HECW1: variants seen among roughly 807,000 people sequenced by gnomAD.
The protein encoded by HECW1 is HECT, C2 and WW domain containing E3 ubiquitin protein ligase 1, also known as E3 ubiquitin-protein ligase HECW1.
HECW1 carries 61 observed loss-of-function variants against 182.3 expected under a neutral mutation model. The ratio of observed to expected loss-of-function variants is 0.33; its 90% CI spans 0.27 to 0.41. HECW1 has a LOEUF of 0.41. Among genes scored for constraint, HECW1 ranks in the 10% least tolerant of loss-of-function variants. The pLI, the probability that HECW1 is intolerant of heterozygous loss-of-function variation, is 1.00. For missense variants in HECW1, 1,739 were observed against 2,108.9 expected (o/e 0.82, Z 3.44); for synonymous variants, 859 against 832.6 (o/e 1.03, Z -0.55).
chr7:43,343,318 G>C (rs1057388826), intron 5 of HECW1, among the ~76,000 whole-genome samples: 1 of 149,974 alleles, frequency 6.7e-6, no homozygotes, highest in Non-Finnish European at 1.5e-5. Flanking sequence ...TGTGCACAAC[G>C]TGCAGGTTTG....
rs1271854634 is a variant in HECW1, at chr7:43,438,024, C to T, written c.823C>T (p.Pro275Ser). The T allele has an allele frequency of 6.2e-7, 1 of 1,613,934 alleles. No homozygotes were observed. Among genetic ancestry groups the T allele is most frequent in the African/African-American group, 1.3e-5 (1 of 74,922 alleles). The change falls in exon 9 of 30, where the codon CCC (proline) becomes TCC (serine). Residue 275 changes from proline to serine, a missense_variant. Physicochemically the swap from Pro to Ser is moderately conservative, Grantham distance 74. Transcript: ENST00000395891. ...QAEQFSFVSLPTDVLEIEVKD... is the reference protein window; with the variant it reads ...QAEQFSFVSLSTDVLEIEVKD... ...GCAGCAATTCAGTTTTGTGTCCTTG[C>T]CCACTGACGTGCTGGAAATTGAGGT...
intron 1 of HECW1, among the ~76,000 whole-genome samples, chr7:43,113,309 C>T (rs1480473667): frequency 6.6e-6 from 1 of 152,114 alleles, no homozygotes; most frequent in African/African-American, 2.4e-5. Context: ...CTACGTAATC[C>T]CCCTTCCCAG....
At chr7:43,314,257 C>T (rs1224242712) in intron 4 of HECW1, among the ~76,000 whole-genome samples, 3 of 152,190 alleles carry the variant, frequency 2.0e-5, no homozygotes, top group Non-Finnish European at 4.4e-5. Context: ...GAGTGTGGAA[C>T]ACCTGAGGGA....
chr7:43,396,874 A>C lies in HECW1; in HGVS notation c.616A>C (p.Ser206Arg). The change falls in exon 7 of 30, where the codon AGC (serine) becomes CGC (arginine). Residue 206 changes from serine (S) to arginine (R), a missense_variant. By Grantham distance (110) the Ser-to-Arg change is moderately radical. Coordinates refer to ENST00000395891, the MANE Select transcript of HECW1 (RefSeq NM_015052.5). Reference protein sequence around the residue: ...VQGQGSRRLISFSLSDFQAMG... With the variant: ...VQGQGSRRLIRFSLSDFQAMG... Reference sequence around the variant, plus strand: ...AGGACAAGGAAGTCGGAGGCTGATCAGCTTCTCTCTCTCAGGTATGTTTTG... The same window carrying C: ...AGGACAAGGAAGTCGGAGGCTGATCCGCTTCTCTCTCTCAGGTATGTTTTG... The C allele has an allele frequency of 6.2e-7, 1 of 1,612,566 alleles. No homozygotes were observed. The highest frequency in any genetic ancestry group is 8.5e-7 in the Non-Finnish European group (1 of 1,179,268).
At chr7:43,519,533 C>T (rs771149353) in intron 24 of HECW1, among the ~76,000 whole-genome samples, 18 of 152,170 alleles carry the variant, frequency 1.2e-4, no homozygotes, top group South Asian at 2.1e-4. Context: ...CGTGAGCCAC[C>T]GCGCCTGGCC....
chr7:43,378,225 GA>G (rs1311405130), intron 6 of HECW1, among the ~76,000 whole-genome samples: 4 of 152,112 alleles, frequency 2.6e-5, no homozygotes, highest in Non-Finnish European at 5.9e-5. Context: ...TTCATTTCTA[GA>G]AATTTCTAAG....
intron 6 of HECW1, among the ~76,000 whole-genome samples, chr7:43,374,243 T>C (rs759044465): frequency 3.3e-5 from 5 of 152,208 alleles, no homozygotes; most frequent in African/African-American, 4.8e-5. Flanking sequence ...ATAAATTCAA[T>C]GTAAAGAAAT....
Position 43,244,051 on chromosome 7 carries a change from T to C in HECW1, c.27+119T>C, listed in dbSNP as rs56757698. 2,254 of 817,736 alleles carry C rather than the reference T, an allele frequency of 2.8e-3. 30 individuals carry two copies. The African/African-American group carries it at 0.032, about 12-fold the overall frequency. 50.7% of individuals were successfully genotyped at this position (817,736 alleles called of 1,614,324 possible). On this transcript the variant is annotated intron_variant, in intron 3 of 29. Transcript: ENST00000395891. ...TTGCGGTTGCCCAGCCCAGGAATTA[T>C]CTCAAGTGTGGCTGGACATTTGAGA...
chr7:43,293,552 C>G (rs1805675330), intron 3 of HECW1, among the ~76,000 whole-genome samples: 1 of 152,116 alleles, frequency 6.6e-6, no homozygotes, highest in South Asian at 2.1e-4. Flanking sequence ...CATGAAACAA[C>G]CTTAGGTTCC....
At chr7:43,502,162 G>T (rs1390506849) in intron 21 of HECW1, among the ~76,000 whole-genome samples, 1 of 152,156 alleles carries the variant, frequency 6.6e-6, no homozygotes, top group Non-Finnish European at 1.5e-5. Context: ...ACTCTGAATC[G>T]ATTGCACACC....
intron 3 of HECW1, among the ~76,000 whole-genome samples, chr7:43,263,777 AAGAAAG>A (rs1452281378): frequency 6.6e-6 from 1 of 152,160 alleles, no homozygotes; most frequent in African/African-American, 2.4e-5. Flanking sequence ...GAGGGGACCA[AAGAAAG>A]AGAAAGAAGA....
At chr7:43,415,521 C>T (rs1005494736) in intron 8 of HECW1, among the ~76,000 whole-genome samples, 3 of 152,116 alleles carry the variant, frequency 2.0e-5, no homozygotes, top group African/African-American at 7.2e-5. Flanking sequence ...AGTTGCTCTT[C>T]TCGAAGAGTA....
At chr7:43,257,821 T>C (rs1453419325) in intron 3 of HECW1, among the ~76,000 whole-genome samples, 2 of 151,472 alleles carry the variant, frequency 1.3e-5, no homozygotes, top group Non-Finnish European at 3.0e-5. Context: ...TCTCTATGTC[T>C]TAATTTATTC....
chr7:43,485,902 A>G (rs913583705), intron 17 of HECW1, among the ~76,000 whole-genome samples: 1 of 152,172 alleles, frequency 6.6e-6, no homozygotes, highest in African/African-American at 2.4e-5. Flanking sequence ...GTACATGTTT[A>G]CAATGCGCAG....
At chr7:43,195,654 T>C (rs1004250232) in intron 2 of HECW1, among the ~76,000 whole-genome samples, 2 of 152,090 alleles carry the variant, frequency 1.3e-5, no homozygotes, top group Non-Finnish European at 2.9e-5. Flanking sequence ...TTTGACACCA[T>C]TGTGAGAAGG....
At chr7:43,158,616 A>G (rs1194060521) in intron 2 of HECW1, among the ~76,000 whole-genome samples, 1 of 152,006 alleles carries the variant, frequency 6.6e-6, no homozygotes, top group African/African-American at 2.4e-5. Context: ...CTCCTGCACA[A>G]TCCTTTACAA....
rs1387049559 is a variant in HECW1, at chr7:43,432,384, C to T, written c.802-5619C>T. ...TCGATCTCCTGACCTCGTGATCCGC[C>T]CGCCTCGGCCTCCCAAAGTGCTGGG... On this transcript the variant is annotated intron_variant, in intron 8 of 29. Coordinates refer to ENST00000395891, the MANE Select transcript of HECW1 (RefSeq NM_015052.5). The surrounding 1 kb of genome is among the most constrained non-coding windows in gnomAD (Gnocchi z 4.1). 6.6e-6 allele frequency among the ~76,000 whole-genome samples: 1 copy of T among 152,112 alleles called. No homozygotes were observed. Among genetic ancestry groups the T allele is most frequent in the East Asian group, 1.9e-4 (1 of 5,192 alleles).
chr7:43,200,359 G>A (rs752851370), intron 2 of HECW1, among the ~76,000 whole-genome samples: 11 of 152,176 alleles, frequency 7.2e-5, no homozygotes, highest in Admixed American at 3.3e-4. Flanking sequence ...AAATGCTTTC[G>A]TCAAAAACTT....
chr7:43,471,401 A>G (rs1026487390), intron 16 of HECW1, among the ~76,000 whole-genome samples: 2 of 152,188 alleles, frequency 1.3e-5, no homozygotes, highest in African/African-American at 4.8e-5. Flanking sequence ...CACCCTGGAC[A>G]ATCTGCTTCT....
Sources: gnomAD v4.1 joint callset for allele counts (sites outside exome capture counted in the v4.1 genomes callset) on GRCh38, gnomAD v4.1.1 for gene constraint, Gnocchi (gnomAD v3.1) non-coding constraint, MANE v1.5 for transcripts, NCBI Gene and HGNC (gene_info 2026-07-23, HGNC 2026-07-21) for gene names.